CPAMD8: variants seen among roughly 807,000 people sequenced by gnomAD.
CPAMD8 encodes C3 and PZP-like alpha-2-macroglobulin domain-containing protein 8.
In CPAMD8, 146 loss-of-function variants were observed where a neutral mutation model predicts 224.7. The observed-to-expected ratio is 0.65, with a 90% CI of 0.57 to 0.75. CPAMD8 has a LOEUF of 0.75. Ranked by LOEUF, CPAMD8 falls within the 30% of genes least tolerant of loss-of-function variation. The pLI is 0.00. For synonymous variants in CPAMD8, 966 were observed against 1,044.6 expected, an observed-to-expected ratio of 0.92 and a Z score of 1.45; for missense variants, 2,301 against 2,537.5, an observed-to-expected ratio of 0.91 and a Z score of 2.00.
At chr19:17,002,469 C>A in intron 8 of CPAMD8, 119 bp from the exon 9 acceptor site, 2 of 664,898 alleles carry the variant, frequency 3.0e-6, no homozygotes, top group Non-Finnish European at 5.5e-6. Flanking sequence ...GAGGTTGACA[C>A]TGTACCCATC....
chr19:16,927,134 A>G (rs1315682636), intron 25 of CPAMD8, among the ~76,000 whole-genome samples: 1 of 151,834 alleles, frequency 6.6e-6, no homozygotes, highest in East Asian at 1.9e-4. Flanking sequence ...CCTGATATGG[A>G]TTGGCTGTGT....
chr19:17,016,715 G>A (rs531545530), intron 3 of CPAMD8, among the ~76,000 whole-genome samples: 3 of 152,156 alleles, frequency 2.0e-5, no homozygotes, highest in Admixed American at 6.6e-5. Flanking sequence ...AGCTGAGATC[G>A]TGCCACTGCA....
At chr19:17,008,416 T>C in intron 7 of CPAMD8, 89 bp downstream of exon 7, 1 of 1,488,062 alleles carries the variant, frequency 6.7e-7, no homozygotes, top group Non-Finnish European at 9.2e-7. Flanking sequence ...TGGGGGTACA[T>C]TAGCGGTGGG....
chr19:16,929,621 G>A lies in CPAMD8; in HGVS notation c.2846-381C>T, dbSNP rs1337953344. ...AGGCCAAGGCAGGAGGATCGCTTGA[G>A]CCCAGGAGTTCAAGGCTGCAGTGAG... On this transcript the variant is annotated intron_variant, in intron 23 of 41. Transcript: ENST00000443236. Among the ~76,000 whole-genome samples the A allele has an allele frequency of 2.0e-5, 3 of 152,224 alleles. No individual in the cohort carries two copies. In the South Asian group the frequency reaches 6.2e-4, roughly 32 times the overall value.
At chr19:16,983,166 G>A (rs2055576503) in intron 13 of CPAMD8, among the ~76,000 whole-genome samples, 1 of 152,132 alleles carries the variant, frequency 6.6e-6, no homozygotes, top group Non-Finnish European at 1.5e-5. Context: ...ACTTTGGGAG[G>A]CCAAGGCAAG....
intron 7 of CPAMD8, among the ~76,000 whole-genome samples, chr19:17,007,877 C>A (rs1391728888): frequency 6.6e-6 from 1 of 152,214 alleles, no homozygotes; most frequent in Admixed American, 6.5e-5. Context: ...CAGGAAGAAG[C>A]TGGGAGCAGG....
chr19:17,025,415 A>T (rs2057053279), intron 1 of CPAMD8, among the ~76,000 whole-genome samples: 1 of 152,032 alleles, frequency 6.6e-6, no homozygotes, highest in African/African-American at 2.4e-5. Context: ...TCCATCTCAA[A>T]ACAAAAACAA....
chr19:16,901,169 C>T, intron 36 of CPAMD8, 41 bp downstream of exon 36: 2 of 1,469,088 alleles, frequency 1.4e-6, no homozygotes, highest in Non-Finnish European at 1.9e-6. Flanking sequence ...ACCTATTGTT[C>T]AGAGATCCCT....
rs78433967 is a variant in CPAMD8 at position 17,006,946 on chromosome 19, A to G, written c.559+1559T>C. 2.6e-5 allele frequency among the ~76,000 whole-genome samples: 4 copies of G among 152,300 alleles called. No homozygotes were observed. In the East Asian group the frequency reaches 5.8e-4, roughly 22 times the overall value. On this transcript the variant is annotated intron_variant, in intron 7 of 41. Transcript: ENST00000443236. ...GAAAGCTCACCCCATGGCAGTATCT[A>G]TGTGGCGCCCAACAAATAGCTGCTG...
intron 29 of CPAMD8, among the ~76,000 whole-genome samples, chr19:16,910,156 A>G (rs527267480): frequency 2.4e-4 from 36 of 150,092 alleles, no homozygotes; most frequent in African/African-American, 7.6e-4. Flanking sequence ...TTGGCGTCCA[A>G]TGACAAGAAC....
chr19:17,022,357 G>A (rs1182359879), intron 1 of CPAMD8, among the ~76,000 whole-genome samples, 176 bp from the exon 2 acceptor site: 1 of 152,146 alleles, frequency 6.6e-6, no homozygotes, highest in East Asian at 1.9e-4. Flanking sequence ...TCCATGGATT[G>A]GCTCTTTCAC....
rs191794157 is a variant in CPAMD8, at chr19:16,937,994, C to A, written c.2845+401G>T. On this transcript the variant is annotated intron_variant, in intron 23 of 41. Transcript: ENST00000443236. ...GTATTGATAAGTTTCACCACGTTGG[C>A]CAGGCTGGTCTCAAACTCCTGACTT... 6.3e-3 allele frequency among the ~76,000 whole-genome samples: 964 copies of A among 152,202 alleles called. 6 individuals carry two copies. The highest frequency in any genetic ancestry group is 9.4e-3 in the Non-Finnish European group (638 of 68,014).
At chr19:16,906,347 TTTC>T (rs1465005904) in intron 30 of CPAMD8, among the ~76,000 whole-genome samples, 1 of 30,416 alleles carries the variant, frequency 3.3e-5, no homozygotes, top group East Asian at 8.7e-4. Context: ...CCTTTCTTTC[TTTC>T]TTTCTTTCTT....
chr19:16,946,952 C>A (rs2054121720), intron 21 of CPAMD8, 122 bp downstream of exon 21: 7 of 1,032,974 alleles, frequency 6.8e-6, no homozygotes, highest in Non-Finnish European at 9.7e-6. Context: ...GTCCCATTTT[C>A]CTTGGGACAG....
At chr19:17,019,624 T>C (rs1368685704) in intron 3 of CPAMD8, among the ~76,000 whole-genome samples, 2 of 151,198 alleles carry the variant, frequency 1.3e-5, no homozygotes, top group Admixed American at 6.6e-5. Context: ...GGTGCGATCA[T>C]AGTTCACTGC....
At chr19:17,014,574 A>G (rs1360979860) in intron 3 of CPAMD8, among the ~76,000 whole-genome samples, 2 of 152,220 alleles carry the variant, frequency 1.3e-5, no homozygotes, top group African/African-American at 2.4e-5. Flanking sequence ...GAGGTCTCAC[A>G]ATCATGGCGA....
At chr19:16,925,423 A>T in intron 25 of CPAMD8, 51 bp from the exon 26 acceptor site, 3 of 1,434,412 alleles carry the variant, frequency 2.1e-6, no homozygotes, top group Non-Finnish European at 2.0e-6. Flanking sequence ...AGTTCAGTAG[A>T]GAACAGGGAC....
intron 27 of CPAMD8, among the ~76,000 whole-genome samples, 170 bp from the exon 28 acceptor site, chr19:16,914,983 C>A (rs1474374018): frequency 6.6e-6 from 1 of 152,186 alleles, no homozygotes; most frequent in Non-Finnish European, 1.5e-5. Context: ...GAGGAGGGGG[C>A]ACATTGCCCA....
intron 18 of CPAMD8, among the ~76,000 whole-genome samples, chr19:16,960,758 C>T (rs896127928): frequency 4.6e-5 from 7 of 151,496 alleles, no homozygotes; most frequent in East Asian, 1.9e-4. Context: ...AAAAGTTAGC[C>T]GGGTTTGGTG....
Sources: allele counts gnomAD v4.1 joint callset (sites outside exome capture counted in the v4.1 genomes callset), GRCh38; gene constraint gnomAD v4.1.1; transcripts MANE v1.5; gene names NCBI Gene and HGNC (gene_info 2026-07-23, HGNC 2026-07-21).